The following MAFK variants were observed in gnomAD, a reference collection of about 807,000 sequenced individuals.
The protein encoded by MAFK is transcription factor MafK.
A neutral mutation model predicts 9.2 loss-of-function variants in MAFK; 1 was observed. The observed-to-expected ratio is 0.11, with a 90% CI of 0.04 to 0.52. MAFK has a LOEUF of 0.52. MAFK is among the 20% of genes least tolerant of loss of function. The pLI is 0.94. For missense variants in MAFK, 207 were observed against 236.0 expected, an observed-to-expected ratio of 0.88 and a Z score of 0.81; for synonymous variants, 110 against 107.4, an observed-to-expected ratio of 1.02 and a Z score of -0.15.
chr7:1,531,363 G>A (rs1012340008), intron 1 of MAFK, among the ~76,000 whole-genome samples: 1 of 152,026 alleles, frequency 6.6e-6, no homozygotes. Flanking sequence ...GTGCGGCCCC[G>A]GACTGCCCCC....
Position 1,539,244 on chromosome 7 carries a change from A to C in MAFK, c.36+16A>C. On this transcript the variant is annotated intron_variant, in intron 2 of 2. Coordinates refer to ENST00000343242, the MANE Select transcript of MAFK (RefSeq NM_002360.4). ...GGCATTAAAGGTAAGGCTGGTTCCAAGCAGGCCCCGTCTCAAGCACAGGCG... is the reference window on the plus strand; with the variant it reads ...GGCATTAAAGGTAAGGCTGGTTCCACGCAGGCCCCGTCTCAAGCACAGGCG... The C allele has an allele frequency of 6.2e-7, 1 of 1,606,470 alleles. No homozygotes were observed.
chr7:1,540,380 G>T lies in MAFK; in HGVS notation c.*5G>T. On this transcript the variant is annotated 3_prime_UTR_variant, in exon 3 of 3. Transcript: ENST00000343242. ...CCCTTCTCGGCTGCATCCTAGTGCC[G>T]GCCGGGGGCGGGGGGTGGCGGGCGG... The T allele has an allele frequency of 2.0e-6, 3 of 1,517,496 alleles. No individual in the cohort carries two copies. The highest frequency in any genetic ancestry group is 1.3e-5 in the South Asian group (1 of 77,602). The allele number at this position is 1,517,496 out of a possible 1,614,324, so 94.0% of individuals were successfully genotyped here.
At chr7:1,538,147 C>T (rs1478793043) in intron 1 of MAFK, 3 of 434,276 alleles carry the variant, frequency 6.9e-6, no homozygotes, top group African/African-American at 2.1e-5. Context: ...GGGGCTGGCT[C>T]GGTCCCAAGG....
At chr7:1,531,128 C>T (rs1462705634) in intron 1 of MAFK, among the ~76,000 whole-genome samples, 1 of 148,918 alleles carries the variant, frequency 6.7e-6, no homozygotes, top group Non-Finnish European at 1.5e-5. Context: ...ACGCGAGGCT[C>T]TCTCCCCTGC....
Position 1,532,551 on chromosome 7 carries a change from C to T in MAFK, c.-45+1653C>T, listed in dbSNP as rs75159845. Among the ~76,000 whole-genome samples the T allele has an allele frequency of 1.3e-3, 198 of 152,326 alleles. 1 individual carries two copies. The highest frequency in any genetic ancestry group is 4.4e-3 in the African/African-American group (183 of 41,578). ...GCTTTGAGGGGCTGGTTGCCCGCAG[C>T]GTCGACTCCCCAGGTGCTGGTAAAC... On this transcript the variant is annotated intron_variant, in intron 1 of 2. Coordinates refer to ENST00000343242, the MANE Select transcript of MAFK (RefSeq NM_002360.4). This position sits in a 1 kb window ranked among gnomAD's most constrained non-coding sequence, Gnocchi z 4.5.
chr7:1,540,623 C>T lies in MAFK; in HGVS notation c.*248C>T. The T allele has an allele frequency of 1.9e-6, 1 of 518,124 alleles. No homozygotes were observed. The highest frequency in any genetic ancestry group is 3.4e-6 in the Non-Finnish European group (1 of 293,918). 32.1% of individuals were successfully genotyped at this position (518,124 alleles called of 1,614,324 possible). On this transcript the variant is annotated 3_prime_UTR_variant, in exon 3 of 3. Coordinates refer to ENST00000343242, the MANE Select transcript of MAFK (RefSeq NM_002360.4). The stretch of plus-strand genomic sequence containing the variant: ...GCCACCTGCTCCCCGCAGGATGTGT[C>T]TGTGTGTGGGAATTGGTATCTTGCA...
chr7:1,536,130 C>A (rs1004284325), intron 1 of MAFK, among the ~76,000 whole-genome samples: 3 of 152,228 alleles, frequency 2.0e-5, no homozygotes, highest in Non-Finnish European at 4.4e-5. Context: ...GCGCTGCTCC[C>A]GGGACGTGGG....
At position 1,540,536 on chromosome 7, in the gene MAFK, G is replaced by A. The variant is rs1784154292; in HGVS notation, c.*161G>A. 1.3e-6 allele frequency: 1 copy of A among 743,212 alleles called. No individual in the cohort carries two copies. The highest frequency in any genetic ancestry group is 2.1e-6 in the Non-Finnish European group (1 of 475,256). 46.0% of individuals were successfully genotyped at this position (743,212 alleles called of 1,614,324 possible). On this transcript the variant is annotated 3_prime_UTR_variant, in exon 3 of 3. Coordinates refer to ENST00000343242, the MANE Select transcript of MAFK (RefSeq NM_002360.4). ...ACACCAGGAAGAGACTGTATTGCAG[G>A]GTGAAGAGTGGGCTCCCGTGGGCCC...
At position 1,540,793 on chromosome 7, in the gene MAFK, G is replaced by C. The variant is rs1784164003; in HGVS notation, c.*418G>C. The stretch of plus-strand genomic sequence containing the variant: ...TTGTTTTCCACTCCTGCTGTAAGCA[G>C]CCTTCGACACCTGTCCTGCCACGGC... On this transcript the variant is annotated 3_prime_UTR_variant, in exon 3 of 3. Transcript: ENST00000343242. 1 of 171,246 alleles carries C rather than the reference G, an allele frequency of 5.8e-6. No homozygotes were observed. Among genetic ancestry groups the C allele is most frequent in the South Asian group, 1.7e-4 (1 of 5,934 alleles). The allele number at this position is 171,246 out of a possible 1,614,324, so 10.6% of individuals were successfully genotyped here.
chr7:1,538,469 G>A (rs1401131857), intron 1 of MAFK: 8 of 959,424 alleles, frequency 8.3e-6, no homozygotes, highest in Middle Eastern at 1.1e-3. Context: ...TAGGTGTCCC[G>A]TGGCCTGTGG....
chr7:1,531,406 G>A (rs951678826), intron 1 of MAFK, among the ~76,000 whole-genome samples: 1 of 152,194 alleles, frequency 6.6e-6, no homozygotes, highest in African/African-American at 2.4e-5. Context: ...CGGCGCTCTG[G>A]CCCAGTGGCT....
At chr7:1,531,808 C>T (rs1030307492) in intron 1 of MAFK, among the ~76,000 whole-genome samples, 13 of 152,228 alleles carry the variant, frequency 8.5e-5, no homozygotes, top group Non-Finnish European at 1.9e-4. Context: ...TGGGACACAG[C>T]AGTGGCCCTG....
chr7:1,539,098 C>G, intron 1 of MAFK, 51 bp from the exon 2 acceptor site: 1 of 1,460,996 alleles, frequency 6.8e-7, no homozygotes, highest in Non-Finnish European at 9.6e-7. Context: ...CCCTGTCCGG[C>G]GCTGCCGGCC....
intron 1 of MAFK, among the ~76,000 whole-genome samples, chr7:1,531,258 G>T (rs1383857855): frequency 6.6e-6 from 1 of 150,578 alleles, no homozygotes; most frequent in Non-Finnish European, 1.5e-5. Flanking sequence ...TCACACCTGC[G>T]GGGGGCGGGG....
Position 1,540,403 on chromosome 7 carries a change from C to A in MAFK, c.*28C>A, listed in dbSNP as rs1406641464. The A allele has an allele frequency of 1.3e-5, 2 of 159,374 alleles. No homozygotes were observed. The highest frequency in any genetic ancestry group is 1.0e-4 in the South Asian group (1 of 9,656). 9.9% of individuals were successfully genotyped at this position (159,374 alleles called of 1,614,324 possible). ...CCGGCCGGGGGCGGGGGGTGGCGGG[C>A]GGCGGGCGGCGGGCAGGCGGGTGGG... On this transcript the variant is annotated 3_prime_UTR_variant, in exon 3 of 3. Transcript: ENST00000343242.
intron 2 of MAFK, among the ~76,000 whole-genome samples, 159 bp downstream of exon 2, chr7:1,539,387 A>T (rs1784117771): frequency 6.6e-6 from 1 of 152,090 alleles, no homozygotes; most frequent in Admixed American, 6.5e-5. Context: ...TGTTCACAGG[A>T]GAGGTGGAGT....
At chr7:1,536,404 T>C (rs927179131) in intron 1 of MAFK, among the ~76,000 whole-genome samples, 2 of 152,178 alleles carry the variant, frequency 1.3e-5, no homozygotes, top group Non-Finnish European at 2.9e-5. Context: ...CAGGTGCTAA[T>C]GCAGTAGCCC....
chr7:1,540,108 C>T lies in MAFK; in HGVS notation c.204C>T (p.Cys68=). 1 of 1,570,780 alleles carries T rather than the reference C, an allele frequency of 6.4e-7. No individual in the cohort carries two copies. Among genetic ancestry groups the T allele is most frequent in the Non-Finnish European group, 8.6e-7 (1 of 1,157,894 alleles). The part of the protein sequence containing the change: ...TLKNRGYAAS[C]RIKRVTQKEE... ...AGAACCGCGGCTACGCGGCCAGCTG[C>T]CGCATCAAGCGGGTGACGCAGAAGG... The change falls in exon 3 of 3, where the codon TGC becomes TGT. Residue 68 remains cysteine, a synonymous_variant. Transcript: ENST00000343242.
In MAFK at chr7:1,540,535, G is replaced by A; in HGVS notation, c.*160G>A. 5.2e-6 allele frequency: 4 copies of A among 768,698 alleles called. No individual in the cohort carries two copies. Among genetic ancestry groups the A allele is most frequent in the Non-Finnish European group, 8.0e-6 (4 of 497,170 alleles). 47.6% of individuals were successfully genotyped at this position (768,698 alleles called of 1,614,324 possible). ...CACACCAGGAAGAGACTGTATTGCA[G>A]GGTGAAGAGTGGGCTCCCGTGGGCC... On this transcript the variant is annotated 3_prime_UTR_variant, in exon 3 of 3. Coordinates refer to ENST00000343242, the MANE Select transcript of MAFK (RefSeq NM_002360.4).
Sources: gnomAD v4.1 joint callset for allele counts (sites outside exome capture counted in the v4.1 genomes callset) on GRCh38, gnomAD v4.1.1 for gene constraint, Gnocchi (gnomAD v3.1) non-coding constraint, MANE v1.5 for transcripts, NCBI Gene and HGNC (gene_info 2026-07-23, HGNC 2026-07-21) for gene names.